Variants in PRELID2 observed in about 807,000 individuals in gnomAD.
PRELID2 encodes PRELI domain containing 2, also known as PRELI domain-containing protein 2.
In PRELID2, 25 loss-of-function variants were observed where a neutral mutation model predicts 28.4. The ratio of observed to expected loss-of-function variants is 0.88; its 90% CI spans 0.64 to 1.23. PRELID2 has a LOEUF of 1.23. Among genes scored for constraint, PRELID2 ranks in the 50% most tolerant of loss-of-function variants. The pLI is 0.00. For missense variants in PRELID2, 201 were observed against 214.4 expected, an observed-to-expected ratio of 0.94 and a Z score of 0.39; for synonymous variants, 76 against 71.6, an observed-to-expected ratio of 1.06 and a Z score of -0.31.
chr5:145,698,952 C>A (rs1467597999), intron 1 of PRELID2, among the ~76,000 whole-genome samples: 1 of 152,196 alleles, frequency 6.6e-6, no homozygotes, highest in Admixed American at 6.5e-5. Flanking sequence ...GTCTCGAACT[C>A]CTGACCTCAG....
chr5:145,656,033 A>G (rs1754386851), intron 1 of PRELID2, among the ~76,000 whole-genome samples: 2 of 152,240 alleles, frequency 1.3e-5, no homozygotes, highest in Non-Finnish European at 2.9e-5. Context: ...AGAATCTACA[A>G]AGAACTCAAA....
the PRELID2 span, among the ~76,000 whole-genome samples, chr5:145,416,435 A>G: frequency 6.6e-6 from 1 of 152,088 alleles, no homozygotes. Context: ...ATTAAACTAA[A>G]GAGCTTCTGC....
At chr5:145,473,461 A>C (rs1752071463) in intron 1 of PRELID2, 1 of 152,200 alleles carries the variant, frequency 6.6e-6, no homozygotes, top group Non-Finnish European at 1.5e-5. Flanking sequence ...TGATGTCATT[A>C]ATCCTCACAA....
the PRELID2 span, among the ~76,000 whole-genome samples, chr5:145,411,919 C>A: frequency 1.3e-5 from 2 of 152,206 alleles, no homozygotes; most frequent in Non-Finnish European, 2.9e-5. Flanking sequence ...GGGCTTTGCA[C>A]CCTCTGAAGC....
intron 1 of PRELID2, among the ~76,000 whole-genome samples, chr5:145,550,440 G>C (rs1752824483): frequency 6.6e-6 from 1 of 152,122 alleles, no homozygotes; most frequent in African/African-American, 2.4e-5. Flanking sequence ...GCCAGGTGTG[G>C]TGGCACGTGC....
the PRELID2 span, among the ~76,000 whole-genome samples, chr5:145,355,802 C>T: frequency 1.3e-5 from 2 of 152,158 alleles, no homozygotes; most frequent in Non-Finnish European, 2.9e-5. Context: ...TCTGTGAAAT[C>T]TGGATAGTAA....
At chr5:145,405,699 G>GTTTTTTTTTTT in the PRELID2 span, among the ~76,000 whole-genome samples, 2 of 45,992 alleles carry the variant, frequency 4.3e-5, 1 homozygote. Flanking sequence ...GTACCACATA[G>GTTTTTTTTTTT]TTGTTTTTTT....
chr5:145,272,710 T>C, the PRELID2 span, among the ~76,000 whole-genome samples: 1 of 152,156 alleles, frequency 6.6e-6, no homozygotes, highest in South Asian at 2.1e-4. Context: ...TTCAAATGTG[T>C]TTATTATATA....
chr5:145,709,305 A>C (rs1320774080), intron 1 of PRELID2, among the ~76,000 whole-genome samples: 1 of 152,130 alleles, frequency 6.6e-6, no homozygotes, highest in Non-Finnish European at 1.5e-5. Context: ...AAGTGCAAAT[A>C]ATTAAGTAGC....
chr5:145,412,444 A>G, the PRELID2 span, among the ~76,000 whole-genome samples: 1 of 152,288 alleles, frequency 6.6e-6, no homozygotes, highest in Non-Finnish European at 1.5e-5. Context: ...GTTCTTCTTC[A>G]CCATCTGACC....
At chr5:145,422,436 T>A in the PRELID2 span, among the ~76,000 whole-genome samples, 8 of 152,276 alleles carry the variant, frequency 5.3e-5, no homozygotes, top group African/African-American at 1.9e-4. Context: ...GTGCATATAT[T>A]TTTAGGATAG....
At chr5:145,625,343 A>T (rs1753831380) in intron 1 of PRELID2, among the ~76,000 whole-genome samples, 1 of 152,122 alleles carries the variant, frequency 6.6e-6, no homozygotes, top group African/African-American at 2.4e-5. Context: ...TAAATAAATT[A>T]TTTACTACAT....
chr5:145,438,060 A>C, the PRELID2 span, among the ~76,000 whole-genome samples: 1 of 151,910 alleles, frequency 6.6e-6, no homozygotes, highest in Non-Finnish European at 1.5e-5. Flanking sequence ...ATATATTCTT[A>C]TTTTTCCTCA....
the PRELID2 span, among the ~76,000 whole-genome samples, chr5:145,454,751 A>G: frequency 6.6e-6 from 1 of 152,108 alleles, no homozygotes; most frequent in South Asian, 2.1e-4. Flanking sequence ...GCTTTTTTTC[A>G]TGTTTGTTGG....
chr5:145,499,041 A>C (rs1183943530), intron 1 of PRELID2, among the ~76,000 whole-genome samples: 1 of 152,176 alleles, frequency 6.6e-6, no homozygotes, highest in Non-Finnish European at 1.5e-5. Flanking sequence ...AGAGGCCAGG[A>C]GTTTGAGACC....
the PRELID2 span, among the ~76,000 whole-genome samples, chr5:145,349,752 AG>A: frequency 6.6e-6 from 1 of 152,194 alleles, no homozygotes; most frequent in African/African-American, 2.4e-5. Flanking sequence ...CTTTATTATA[AG>A]TAAACACACG....
At chr5:145,324,855 G>A in the PRELID2 span, among the ~76,000 whole-genome samples, 1 of 152,294 alleles carries the variant, frequency 6.6e-6, no homozygotes, top group East Asian at 1.9e-4. Flanking sequence ...TTAGAAAAAA[G>A]TGTGTCTGGA....
At chr5:145,594,728 G>T (rs1055486995) in intron 1 of PRELID2, among the ~76,000 whole-genome samples, 1 of 152,132 alleles carries the variant, frequency 6.6e-6, no homozygotes, top group Admixed American at 6.5e-5. Flanking sequence ...AAGAGTGATT[G>T]TCCCTAGGTG....
At chr5:145,381,952 C>A in the PRELID2 span, among the ~76,000 whole-genome samples, 1 of 137,332 alleles carries the variant, frequency 7.3e-6, no homozygotes, top group Admixed American at 7.3e-5. Context: ...CCTGGGATTA[C>A]TTAGTTTTTT....
Sources: allele counts gnomAD v4.1 joint callset (sites outside exome capture counted in the v4.1 genomes callset), GRCh38; gene constraint gnomAD v4.1.1; transcripts MANE v1.5; gene names NCBI Gene and HGNC (gene_info 2026-07-23, HGNC 2026-07-21).